The following SLC9A6 variants were observed in gnomAD, a reference collection of about 807,000 sequenced individuals.
SLC9A6 encodes the protein solute carrier family 9 member A6, also known as sodium/hydrogen exchanger 6.
SLC9A6 carries 6 observed loss-of-function variants against 45.3 expected under a neutral mutation model. That is an observed-to-expected ratio of 0.13 (90% CI 0.07 to 0.26). The LOEUF (loss-of-function observed/expected upper bound fraction) is 0.26. Among genes scored for constraint, SLC9A6 ranks in the 10% least tolerant of loss-of-function variants. The pLI is 1.00. For missense variants in SLC9A6, 278 were observed against 503.7 expected (o/e 0.55, Z 4.29); for synonymous variants, 191 against 187.7 (o/e 1.02, Z -0.14).
At chrX:135,978,359 A>G (rs939916792) in intron 1 of SLC9A6, among the ~76,000 whole-genome samples, 3 of 111,971 alleles carry the variant, frequency 2.7e-5, no homozygotes, top group Admixed American at 9.5e-5. Context: ...TTCATTTCAA[A>G]TAGCCTTCCT....
chrX:136,002,968 C>G (rs2089604309), intron 7 of SLC9A6, among the ~76,000 whole-genome samples: 1 of 111,464 alleles, frequency 9.0e-6, no homozygotes, highest in Non-Finnish European at 1.9e-5. Flanking sequence ...CCACCTGTCC[C>G]CCTAGTTCCT....
chrX:136,019,064 T>C (rs1310161614), intron 11 of SLC9A6, among the ~76,000 whole-genome samples: 2 of 111,713 alleles, frequency 1.8e-5, no homozygotes, highest in Non-Finnish European at 3.8e-5. Flanking sequence ...TCTGAGTCTG[T>C]TAGGAATTAA....
chrX:136,024,189 GACATA>G (rs2071189150), intron 12 of SLC9A6, 136 bp from the exon 13 acceptor site: 1 of 618,131 alleles, frequency 1.6e-6, no homozygotes, highest in Non-Finnish European at 2.6e-6. Context: ...GCACAGCCTG[GACATA>G]TTTAAGTATG....
At position 136,045,959 on chromosome X, in the gene SLC9A6, G is replaced by A. The variant is rs797026813; in HGVS notation, c.*1235G>A. ...GCTGCCATGCATTTTTTTTTTTACA[G>A]TTCTCAAGGAAGAGCACAGAACAAT... On this transcript the variant is annotated 3_prime_UTR_variant, in exon 18 of 18. Transcript: ENST00000630721. 9.0e-6 allele frequency: 1 copy of A among 110,622 alleles called. No individual in the cohort carries two copies. The highest frequency in any genetic ancestry group is 1.9e-5 in the Non-Finnish European group (1 of 52,871). The allele number at this position is 110,622 out of a possible 1,213,427, so 9.1% of individuals were successfully genotyped here. A position where few individuals can be genotyped will look rare whatever the true frequency, so the allele number is the denominator to read the frequency against.
intron 12 of SLC9A6, 39 bp from the exon 13 acceptor site, chrX:136,024,291 A>G (rs2071190908): frequency 8.4e-7 from 1 of 1,196,940 alleles, no homozygotes; most frequent in Non-Finnish European, 1.1e-6. Flanking sequence ...TGCATTGGTA[A>G]TGAGTTATTG....
At chrX:136,010,244 A>C in intron 7 of SLC9A6, 198 bp from the exon 8 acceptor site, 5 of 250,764 alleles carry the variant, frequency 2.0e-5, no homozygotes, top group Admixed American at 5.6e-5. Context: ...CGAAATTAAC[A>C]TTTAAGGGAA....
At position 136,019,096 on chromosome X, in the gene SLC9A6, A is replaced by G. The variant is rs782493244; in HGVS notation, c.1194+2338A>G. On this transcript the variant is annotated intron_variant, in intron 11 of 17. Transcript: ENST00000630721. ...TTAAAATTCCTCAATACAAAATCCT[A>G]CCATGAAAATGGCCTCGTAACAGGA... 1.6e-4 allele frequency among the ~76,000 whole-genome samples: 18 copies of G among 111,906 alleles called. No individual in the cohort carries two copies. In the Admixed American group the frequency reaches 1.6e-3, roughly 10 times the overall value.
upstream of SLC9A6, among the ~76,000 whole-genome samples, chrX:135,982,368 G>A: frequency 1.3e-5 from 1 of 79,563 alleles, no homozygotes; most frequent in African/African-American, 5.0e-5. Context: ...TAGAGAAGGA[G>A]CCACTGAAGA....
chrX:136,009,156 T>C (rs1603206331), intron 7 of SLC9A6, among the ~76,000 whole-genome samples: 1 of 111,869 alleles, frequency 8.9e-6, no homozygotes, highest in East Asian at 2.8e-4. Context: ...GGACCCTTTA[T>C]ATATATGTAG....
chrX:136,041,302 T>C (rs781870773), intron 17 of SLC9A6, among the ~76,000 whole-genome samples: 1 of 110,686 alleles, frequency 9.0e-6, no homozygotes, highest in South Asian at 3.9e-4. Context: ...CACACACACC[T>C]CCCTCCCCGT....
At chrX:135,973,861 GA>G, upstream of SLC9A6, 1 of 1,159,837 alleles carries the variant, frequency 8.6e-7, no homozygotes, top group Non-Finnish European at 1.1e-6. Flanking sequence ...GGAAGAAGCA[GA>G]AAGCTACACG....
chrX:135,996,906 A>T (rs2089507233), intron 3 of SLC9A6, among the ~76,000 whole-genome samples: 1 of 109,285 alleles, frequency 9.2e-6, no homozygotes. Flanking sequence ...AGCTGGGACT[A>T]CAGGCGCCCG....
intron 17 of SLC9A6, among the ~76,000 whole-genome samples, chrX:136,041,941 A>G (rs782267399): frequency 9.1e-6 from 1 of 110,366 alleles, no homozygotes; most frequent in Non-Finnish European, 1.9e-5. Flanking sequence ...ATCACTATGT[A>G]TCTCTACTTT....
intron 16 of SLC9A6, among the ~76,000 whole-genome samples, chrX:136,034,800 C>T (rs921727837): frequency 8.1e-5 from 9 of 111,771 alleles, no homozygotes; most frequent in African/African-American, 2.9e-4. Flanking sequence ...GGTATTAAGA[C>T]TCCCATTAGA....
chrX:135,990,697 T>G (rs2089416188), intron 2 of SLC9A6, among the ~76,000 whole-genome samples: 1 of 110,502 alleles, frequency 9.0e-6, no homozygotes, highest in Non-Finnish European at 1.9e-5. Context: ...CAGTGGGCAC[T>G]CGGGAGGCGG....
intron 2 of SLC9A6, among the ~76,000 whole-genome samples, chrX:135,987,128 T>C (rs142742622): frequency 0.03 from 3,344 of 111,910 alleles, 42 homozygotes; most frequent in South Asian, 0.12. Context: ...TTTAAGAGAA[T>C]ACAGTTCTGA....
chrX:136,020,774 A>G (rs1556619845), intron 11 of SLC9A6, among the ~76,000 whole-genome samples: 3 of 111,926 alleles, frequency 2.7e-5, no homozygotes, highest in Non-Finnish European at 5.6e-5. Context: ...CAGCTTGGCC[A>G]TTGAGAGCTC....
chrX:135,986,067 T>C (rs1335151635), intron 2 of SLC9A6, among the ~76,000 whole-genome samples: 1 of 109,200 alleles, frequency 9.2e-6, no homozygotes, highest in Non-Finnish European at 1.9e-5. Flanking sequence ...CACCCCCTTT[T>C]TCCTCCGCAC....
chrX:136,026,509 G>A (rs1312516431), intron 13 of SLC9A6, among the ~76,000 whole-genome samples: 1 of 110,058 alleles, frequency 9.1e-6, no homozygotes, highest in African/African-American at 3.3e-5. Flanking sequence ...CCAGCCATGT[G>A]CCGGGCACTG....
Sources: allele counts gnomAD v4.1 joint callset (sites outside exome capture counted in the v4.1 genomes callset), GRCh38; gene constraint gnomAD v4.1.1; transcripts MANE v1.5; gene names NCBI Gene and HGNC (gene_info 2026-07-23, HGNC 2026-07-21).